The following LARGE1 variants were observed in gnomAD, a reference collection of about 807,000 sequenced individuals.
LARGE1 encodes LARGE xylosyl- and glucuronyltransferase 1.
A neutral mutation model predicts 87.6 loss-of-function variants in LARGE1; 43 were observed. The observed-to-expected ratio is 0.49, with a 90% CI of 0.38 to 0.63. The LOEUF (loss-of-function observed/expected upper bound fraction) is 0.63. LARGE1 is among the 30% of genes least tolerant of loss of function. LARGE1 has a pLI of 0.00. For missense variants in LARGE1, 802 were observed against 1,000.2 expected, an observed-to-expected ratio of 0.80 and a Z score of 2.67; for synonymous variants, 434 against 394.6, an observed-to-expected ratio of 1.10 and a Z score of -1.18.
chr22:33,323,926 T>C (rs1208990488), intron 10 of LARGE1, among the ~76,000 whole-genome samples: 1 of 152,174 alleles, frequency 6.6e-6, no homozygotes, highest in Admixed American at 6.5e-5. Flanking sequence ...GGGGAGACTC[T>C]AGCAGTTTAG....
intron 9 of LARGE1, among the ~76,000 whole-genome samples, chr22:33,369,981 C>T (rs911196274): frequency 4.0e-5 from 6 of 151,646 alleles, no homozygotes; most frequent in Non-Finnish European, 1.5e-5. Context: ...AATGGCTTTA[C>T]ATATTACAAC....
chr22:33,674,625 A>T (rs2081511063), intron 2 of LARGE1, among the ~76,000 whole-genome samples: 1 of 151,974 alleles, frequency 6.6e-6, no homozygotes, highest in Non-Finnish European at 1.5e-5. Context: ...CATCTCTCCC[A>T]CTGCCAGGCC....
chr22:33,675,562 G>GT (rs1207373921), intron 2 of LARGE1, among the ~76,000 whole-genome samples: 1 of 152,158 alleles, frequency 6.6e-6, no homozygotes, highest in Non-Finnish European at 1.5e-5. Flanking sequence ...ACGAAGGCCA[G>GT]TGTGGGTGAA....
At chr22:33,564,554 C>T (rs879625478) in intron 6 of LARGE1, among the ~76,000 whole-genome samples, 55 of 152,320 alleles carry the variant, frequency 3.6e-4, no homozygotes, top group African/African-American at 1.1e-3. Flanking sequence ...AATGAACACA[C>T]GTCCCGACCA....
intron 1 of LARGE1, among the ~76,000 whole-genome samples, chr22:33,810,171 G>T (rs961387663): frequency 4.6e-5 from 7 of 152,226 alleles, no homozygotes; most frequent in Non-Finnish European, 8.8e-5. Flanking sequence ...CATGGAATAT[G>T]TAACAATCCT....
chr22:33,791,094 C>G (rs576490449), intron 1 of LARGE1, among the ~76,000 whole-genome samples: 1 of 152,056 alleles, frequency 6.6e-6, no homozygotes, highest in Admixed American at 6.6e-5. Context: ...TAAAGAAAAG[C>G]CTTCTAAATG....
At chr22:33,663,502 G>A (rs1427331526) in intron 2 of LARGE1, among the ~76,000 whole-genome samples, 1 of 152,128 alleles carries the variant, frequency 6.6e-6, no homozygotes, top group Non-Finnish European at 1.5e-5. Context: ...AGTAACAGGT[G>A]CAGAGGACCA....
rs5999057 is a variant in LARGE1 at position 33,682,355 on chromosome 22, C to T, written c.107-31687G>A. On this transcript the variant is annotated intron_variant, in intron 2 of 14. Coordinates refer to ENST00000397394, the MANE Select transcript of LARGE1 (RefSeq NM_133642.5). ...CTAAATTGAAGAAATTGTGTCCAAA[C>T]GACCTGTGATCTGGCCCTGGCCTCC... 2.5e-3 allele frequency among the ~76,000 whole-genome samples: 380 copies of T among 152,312 alleles called. 3 individuals are homozygous for T. The highest frequency in any genetic ancestry group is 8.8e-3 in the African/African-American group (365 of 41,580).
intron 11 of LARGE1, among the ~76,000 whole-genome samples, chr22:33,249,337 T>C (rs991171712): frequency 6.6e-6 from 1 of 152,236 alleles, no homozygotes; most frequent in South Asian, 2.1e-4. Flanking sequence ...CATCTGCATA[T>C]CTTTGGTGAG....
chr22:33,247,516 T>C (rs575800712), intron 11 of LARGE1, among the ~76,000 whole-genome samples: 4 of 152,334 alleles, frequency 2.6e-5, no homozygotes, highest in Non-Finnish European at 5.9e-5. Context: ...GTAAAAATAT[T>C]TTCCAGAGAC....
At chr22:33,676,895 G>A (rs988193548) in intron 2 of LARGE1, among the ~76,000 whole-genome samples, 1 of 152,010 alleles carries the variant, frequency 6.6e-6, no homozygotes, top group African/African-American at 2.4e-5. Context: ...TAAAGGTCAA[G>A]AAGAAGACCT....
In LARGE1 at chr22:33,273,441, G is replaced by A. The variant is rs1003833370; in HGVS notation, c.*986C>T. The A allele has an allele frequency of 1.0e-5, 4 of 398,478 alleles. No homozygotes were observed. Among genetic ancestry groups the A allele is most frequent in the Non-Finnish European group, 1.8e-5 (4 of 226,058 alleles). 24.7% of individuals were successfully genotyped at this position (398,478 alleles called of 1,614,324 possible). A position where few individuals can be genotyped will look rare whatever the true frequency, so the allele number is the denominator to read the frequency against. On this transcript the variant is annotated 3_prime_UTR_variant, in exon 15 of 15. Coordinates refer to ENST00000397394, the MANE Select transcript of LARGE1 (RefSeq NM_133642.5). The stretch of plus-strand genomic sequence containing the variant: ...CTTTCATGAATTATGAAAGTTCTTC[G>A]AAAGGCCTGAGAGGTTCGTACCTTG...
intron 6 of LARGE1, among the ~76,000 whole-genome samples, chr22:33,530,855 T>G (rs2072162811): frequency 6.6e-6 from 1 of 152,226 alleles, no homozygotes; most frequent in South Asian, 2.1e-4. Context: ...GGTTATCTAG[T>G]CATTTTCTTT....
chr22:33,151,402 C>T, the LARGE1 span, among the ~76,000 whole-genome samples: 1 of 152,094 alleles, frequency 6.6e-6, no homozygotes, highest in Admixed American at 6.5e-5. Flanking sequence ...CAAATAGGAA[C>T]AATTTTATTT....
intron 1 of LARGE1, among the ~76,000 whole-genome samples, chr22:33,844,227 T>TAA (rs1327021620): frequency 6.6e-6 from 1 of 151,884 alleles, no homozygotes; most frequent in African/African-American, 2.4e-5. Context: ...TGAGGGCAAA[T>TAA]AAAGATGAGA....
chr22:33,431,946 G>A (rs1199457938), intron 7 of LARGE1, among the ~76,000 whole-genome samples: 3 of 152,182 alleles, frequency 2.0e-5, no homozygotes, highest in African/African-American at 7.2e-5. Flanking sequence ...TTTCTGGTGA[G>A]ATGCCACAGA....
At chr22:33,131,259 C>A in the LARGE1 span, among the ~76,000 whole-genome samples, 1,075 of 152,178 alleles carry the variant, frequency 7.1e-3, 4 homozygotes, top group Middle Eastern at 0.014. Context: ...TACAAAGTTT[C>A]TACTTTTGTC....
chr22:33,405,547 CT>C (rs971426841), intron 7 of LARGE1, among the ~76,000 whole-genome samples: 1 of 152,048 alleles, frequency 6.6e-6, no homozygotes, highest in Non-Finnish European at 1.5e-5. Context: ...CCTTCTTTTC[CT>C]TTTTTTCTAG....
chr22:33,717,647 C>T (rs969404695), intron 2 of LARGE1, among the ~76,000 whole-genome samples: 5 of 152,218 alleles, frequency 3.3e-5, no homozygotes, highest in African/African-American at 1.2e-4. Context: ...CTTGACCCAA[C>T]AGATGCTTCT....
Sources: allele counts gnomAD v4.1 joint callset (sites outside exome capture counted in the v4.1 genomes callset), GRCh38; gene constraint gnomAD v4.1.1; transcripts MANE v1.5; gene names NCBI Gene and HGNC (gene_info 2026-07-23, HGNC 2026-07-21).